DNM3: variants seen among roughly 807,000 people sequenced by gnomAD.
DNM3 encodes dynamin 3, also known as dynamin-3.
Under a neutral mutation model 101.6 loss-of-function variants are expected in DNM3, and 47 were observed. That is an observed-to-expected ratio of 0.46 (90% CI 0.37 to 0.59). The LOEUF (loss-of-function observed/expected upper bound fraction) is 0.59. Among genes scored for constraint, DNM3 ranks in the 20% least tolerant of loss-of-function variants. DNM3 has a pLI of 0.00. For missense variants in DNM3, 849 were observed against 1,085.7 expected, an observed-to-expected ratio of 0.78 and a Z score of 3.06; for synonymous variants, 385 against 387.9, an observed-to-expected ratio of 0.99 and a Z score of 0.09.
intron 17 of DNM3, among the ~76,000 whole-genome samples, chr1:172,345,092 A>G (rs906608463): frequency 1.3e-5 from 2 of 152,232 alleles, no homozygotes; most frequent in African/African-American, 4.8e-5. Flanking sequence ...CTAAACTGGC[A>G]TTCTTTTAAA....
At chr1:172,200,903 C>T (rs890571389) in intron 14 of DNM3, among the ~76,000 whole-genome samples, 1 of 152,062 alleles carries the variant, frequency 6.6e-6, no homozygotes, top group Non-Finnish European at 1.5e-5. Flanking sequence ...TCATTACAGC[C>T]CGTTCAGCCT....
At chr1:172,007,311 A>G (rs1251007723) in intron 4 of DNM3, among the ~76,000 whole-genome samples, 2 of 152,044 alleles carry the variant, frequency 1.3e-5, no homozygotes, top group African/African-American at 4.8e-5. Flanking sequence ...GGTGCTTGTT[A>G]GTTTTATTTT....
Position 172,388,794 on chromosome 1 carries a change from C to T in DNM3, c.2507C>T (p.Pro836Leu), listed in dbSNP as rs1176962388. 14 of 1,584,428 alleles carry T rather than the reference C, an allele frequency of 8.8e-6. No homozygotes were observed. The highest frequency in any genetic ancestry group is 3.6e-5 in the Admixed American group (2 of 55,566). Residue 836 changes from proline (P) to leucine (L), a missense_variant, in exon 20 of 21, where the codon CCG becomes CTG. By Grantham distance (98) the Pro-to-Leu change is moderately conservative. This residue lies in a region of DNM3 where 256 missense variants were observed against 311.7 expected (regional missense o/e 0.82). Transcript: ENST00000627582. The part of the protein sequence containing the change: ...PQVPSRPTRA[P>L]PSVPSRRPPP... Reference sequence around the variant, plus strand: ...GTTCCATCTAGGCCTACGAGGGCCCCGCCCAGTGTCCCAAGGTAAGGCATG... The same window carrying T: ...GTTCCATCTAGGCCTACGAGGGCCCTGCCCAGTGTCCCAAGGTAAGGCATG...
chr1:171,907,279 G>A (rs180912167), intron 1 of DNM3, among the ~76,000 whole-genome samples: 1 of 152,144 alleles, frequency 6.6e-6, no homozygotes, highest in Non-Finnish European at 1.5e-5. Flanking sequence ...ATCACCTGAG[G>A]TTGGGAGTTC....
chr1:172,302,342 T>C (rs758791634), intron 15 of DNM3, among the ~76,000 whole-genome samples: 1 of 152,144 alleles, frequency 6.6e-6, no homozygotes, highest in Non-Finnish European at 1.5e-5. Context: ...TTGCTGAAAC[T>C]TGAGTAGGTA....
intron 12 of DNM3, among the ~76,000 whole-genome samples, chr1:172,088,297 G>T (rs1193777555): frequency 6.6e-6 from 1 of 152,164 alleles, no homozygotes. Flanking sequence ...CATAATTCAG[G>T]CATGATGCTT....
intron 2 of DNM3, among the ~76,000 whole-genome samples, chr1:171,961,955 A>T (rs2043241301): frequency 6.6e-6 from 1 of 152,220 alleles, no homozygotes; most frequent in South Asian, 2.1e-4. Context: ...GAGGCTGAGA[A>T]GTGTAAGATC....
intron 14 of DNM3, among the ~76,000 whole-genome samples, chr1:172,191,367 T>G (rs977614567): frequency 6.6e-6 from 1 of 152,204 alleles, no homozygotes; most frequent in Non-Finnish European, 1.5e-5. Context: ...TCTGTTCCAT[T>G]GGTCTATATC....
At chr1:172,319,177 C>G (rs1189573104) in intron 16 of DNM3, among the ~76,000 whole-genome samples, 6 of 152,128 alleles carry the variant, frequency 3.9e-5, no homozygotes, top group Non-Finnish European at 8.8e-5. Context: ...GGAAAACTGG[C>G]TAGCCATATG....
intron 1 of DNM3, among the ~76,000 whole-genome samples, chr1:171,898,686 G>A (rs1325770448): frequency 1.3e-5 from 1 of 79,178 alleles, no homozygotes; most frequent in Non-Finnish European, 2.4e-5. Flanking sequence ...AAGTGTGTGT[G>A]TATATACATA....
intron 14 of DNM3, among the ~76,000 whole-genome samples, chr1:172,190,007 A>G (rs1461425300): frequency 1.7e-5 from 2 of 121,004 alleles, no homozygotes; most frequent in Non-Finnish European, 3.3e-5. Context: ...TGGGAATCAC[A>G]TTTCTTTTTT....
intron 1 of DNM3, among the ~76,000 whole-genome samples, chr1:171,910,535 G>A (rs2039211484): frequency 6.6e-6 from 1 of 152,176 alleles, no homozygotes; most frequent in Non-Finnish European, 1.5e-5. Flanking sequence ...ACTGAACAGT[G>A]TGACAAATTG....
intron 2 of DNM3, among the ~76,000 whole-genome samples, chr1:171,952,580 G>T (rs2042598199): frequency 6.6e-6 from 1 of 152,052 alleles, no homozygotes; most frequent in Non-Finnish European, 1.5e-5. Flanking sequence ...TGGCCCAGAG[G>T]GGATCCATTT....
At chr1:172,344,996 T>G (rs1205412081) in intron 17 of DNM3, among the ~76,000 whole-genome samples, 1 of 152,262 alleles carries the variant, frequency 6.6e-6, no homozygotes, top group Non-Finnish European at 1.5e-5. Flanking sequence ...CTTCATATTT[T>G]ATAGCCTTAT....
chr1:172,059,120 A>T (rs1277872058), intron 10 of DNM3, among the ~76,000 whole-genome samples: 1 of 151,532 alleles, frequency 6.6e-6, no homozygotes, highest in African/African-American at 2.4e-5. Flanking sequence ...TCCTTGACAC[A>T]TACACTCTCC....
At chr1:171,895,205 A>C (rs1243306098) in intron 1 of DNM3, among the ~76,000 whole-genome samples, 5 of 152,166 alleles carry the variant, frequency 3.3e-5, no homozygotes, top group African/African-American at 1.2e-4. Flanking sequence ...TCCTTGAGGA[A>C]TTGCCCACTG....
chr1:172,071,711 G>A (rs987924161), intron 11 of DNM3, among the ~76,000 whole-genome samples: 3 of 152,094 alleles, frequency 2.0e-5, no homozygotes, highest in Non-Finnish European at 1.5e-5. Context: ...TTTTTTGAAT[G>A]TCTGAGTGTG....
At chr1:172,302,678 G>C (rs1008459546) in intron 15 of DNM3, among the ~76,000 whole-genome samples, 8 of 152,174 alleles carry the variant, frequency 5.3e-5, no homozygotes, top group African/African-American at 1.9e-4. Context: ...TCCAGAGGAC[G>C]GGTCAGACAG....
At chr1:172,278,672 T>A (rs1039594469) in intron 15 of DNM3, among the ~76,000 whole-genome samples, 2 of 152,104 alleles carry the variant, frequency 1.3e-5, no homozygotes, top group Admixed American at 1.3e-4. Context: ...CTGCCTTCAG[T>A]TAAAAATCAG....
Sources: gnomAD v4.1 joint callset for allele counts (sites outside exome capture counted in the v4.1 genomes callset) on GRCh38, gnomAD v4.1.1 for gene constraint, gnomAD v4.1.1 regional missense constraint, MANE v1.5 for transcripts, NCBI Gene and HGNC (gene_info 2026-07-23, HGNC 2026-07-21) for gene names.